The following SYT1 variants were observed in gnomAD, a reference collection of about 807,000 sequenced individuals.
SYT1 encodes synaptotagmin-1.
SYT1 carries 8 observed loss-of-function variants against 44.8 expected under a neutral mutation model. The observed-to-expected ratio is 0.18, with a 90% CI of 0.10 to 0.32. The LOEUF is 0.32. Ranked by LOEUF, SYT1 falls within the 10% of genes least tolerant of loss-of-function variation. The pLI, the probability that SYT1 is intolerant of heterozygous loss-of-function variation, is 1.00. For missense variants in SYT1, 286 were observed against 509.3 expected (o/e 0.56, Z 4.22); for synonymous variants, 154 against 188.8 (o/e 0.82, Z 1.51).
At position 79,210,576 on chromosome 12, in the gene SYT1, A is replaced by G. The variant is rs547011977; in HGVS notation, c.-17-6927A>G. On this transcript the variant is annotated intron_variant, in intron 3 of 10. Transcript: ENST00000261205. Reference sequence around the variant, plus strand: ...ATCCAGGTTGCTGCAAGTGCCGTTTATTCATTCCTTTTCATGGCTGAGTAG... The same window carrying G: ...ATCCAGGTTGCTGCAAGTGCCGTTTGTTCATTCCTTTTCATGGCTGAGTAG... 2.2e-4 allele frequency among the ~76,000 whole-genome samples: 33 copies of G among 152,334 alleles called. No homozygotes were observed. The East Asian group carries it at 6.0e-3, about 28-fold the overall frequency.
Position 79,041,104 on chromosome 12 carries a change from C to A in SYT1, c.-83-6193C>A, listed in dbSNP as rs886376183. Among the ~76,000 whole-genome samples the A allele has an allele frequency of 9.6e-4, 146 of 152,094 alleles. 1 individual carries two copies. The highest frequency in any genetic ancestry group is 3.0e-3 in the African/African-American group (123 of 41,486). On this transcript the variant is annotated intron_variant, in intron 2 of 10. Coordinates refer to ENST00000261205, the MANE Select transcript of SYT1 (RefSeq NM_005639.3). The stretch of plus-strand genomic sequence containing the variant: ...TTGGCTTAAGATTGACTTGGCAATG[C>A]GGGCTCTTTTTTGGTTCCATATGAA...
At chr12:79,136,726 A>G (rs969060191) in intron 3 of SYT1, among the ~76,000 whole-genome samples, 19 of 152,178 alleles carry the variant, frequency 1.2e-4, no homozygotes, top group African/African-American at 4.3e-4. Context: ...TAAACTGAAA[A>G]ACAATATGTT....
At chr12:79,045,452 T>A (rs1873964033) in intron 2 of SYT1, 1 of 154,762 alleles carries the variant, frequency 6.5e-6, no homozygotes, top group African/African-American at 2.4e-5. Context: ...GCTTCCCAAG[T>A]GAGGCAATGC....
intron 4 of SYT1, among the ~76,000 whole-genome samples, chr12:79,285,228 C>T (rs986591007): frequency 6.6e-6 from 1 of 152,180 alleles, no homozygotes; most frequent in Non-Finnish European, 1.5e-5. Flanking sequence ...ATATCTGCCC[C>T]ATACCATGCC....
At chr12:79,407,396 C>G (rs1885280838) in intron 9 of SYT1, among the ~76,000 whole-genome samples, 1 of 152,046 alleles carries the variant, frequency 6.6e-6, no homozygotes, top group Non-Finnish European at 1.5e-5. Context: ...AAGACCATGA[C>G]AGTACCACCA....
chr12:79,150,699 T>C (rs1420466852), intron 3 of SYT1, among the ~76,000 whole-genome samples: 1 of 152,184 alleles, frequency 6.6e-6, no homozygotes, highest in Non-Finnish European at 1.5e-5. Flanking sequence ...CAGAGCAAGT[T>C]AAATCAACTG....
intron 3 of SYT1, among the ~76,000 whole-genome samples, chr12:79,055,123 G>T (rs1273783408): frequency 6.6e-6 from 1 of 151,962 alleles, no homozygotes; most frequent in East Asian, 1.9e-4. Flanking sequence ...TTTCTCCATT[G>T]AGTAATTGTG....
intron 3 of SYT1, among the ~76,000 whole-genome samples, chr12:79,148,167 G>A (rs570013094): frequency 5.3e-5 from 8 of 152,136 alleles, no homozygotes; most frequent in Non-Finnish European, 1.2e-4. Flanking sequence ...GAAAACATTA[G>A]GAGAAAAGAA....
intron 1 of SYT1, among the ~76,000 whole-genome samples, chr12:78,967,998 C>T (rs1418601511): frequency 2.6e-5 from 4 of 152,006 alleles, no homozygotes; most frequent in Non-Finnish European, 5.9e-5. Flanking sequence ...ATTTGACAAC[C>T]AGGACTTTTG....
At chr12:78,970,322 T>C (rs17046158) in intron 1 of SYT1, among the ~76,000 whole-genome samples, 1 of 152,112 alleles carries the variant, frequency 6.6e-6, no homozygotes, top group Non-Finnish European at 1.5e-5. Context: ...AAGTGAGAAA[T>C]AAAGAAAGCA....
intron 3 of SYT1, among the ~76,000 whole-genome samples, chr12:79,105,329 A>G (rs1476588536): frequency 6.6e-6 from 1 of 152,232 alleles, no homozygotes; most frequent in East Asian, 1.9e-4. Flanking sequence ...CAGCACTAAC[A>G]AAGTAACCAT....
At chr12:79,387,253 G>C (rs926720378) in intron 9 of SYT1, among the ~76,000 whole-genome samples, 1 of 152,128 alleles carries the variant, frequency 6.6e-6, no homozygotes, top group Non-Finnish European at 1.5e-5. Flanking sequence ...CAGTTGAAGA[G>C]ACAGTAACCC....
chr12:79,318,538 C>T (rs1180263694), intron 8 of SYT1, among the ~76,000 whole-genome samples: 2 of 152,160 alleles, frequency 1.3e-5, no homozygotes, highest in Admixed American at 1.3e-4. Context: ...GCGAAAGGCC[C>T]CACGTACAAT....
At chr12:79,101,282 A>G (rs1878430794) in intron 3 of SYT1, among the ~76,000 whole-genome samples, 1 of 152,222 alleles carries the variant, frequency 6.6e-6, no homozygotes, top group Non-Finnish European at 1.5e-5. Context: ...ACAATGGAAT[A>G]TTTTTCAGAC....
chr12:78,997,653 C>T (rs4278572), intron 2 of SYT1, among the ~76,000 whole-genome samples: 68,308 of 150,876 alleles, frequency 0.45, 16,020 homozygotes, highest in East Asian at 0.68. Context: ...TTCTTTCCTT[C>T]TTTCTCTTTC....
At chr12:78,878,538 A>C (rs1157611840) in intron 1 of SYT1, among the ~76,000 whole-genome samples, 1 of 151,758 alleles carries the variant, frequency 6.6e-6, no homozygotes, top group Non-Finnish European at 1.5e-5. Flanking sequence ...TTTGAAGAGT[A>C]TGTCTTTCAT....
chr12:79,368,955 A>C (rs1022869642), intron 9 of SYT1, among the ~76,000 whole-genome samples: 6 of 152,138 alleles, frequency 3.9e-5, no homozygotes, highest in East Asian at 1.9e-4. Flanking sequence ...TTGGTGTTTT[A>C]GACATGAAGT....
chr12:78,962,230 T>C (rs928620652), intron 1 of SYT1, among the ~76,000 whole-genome samples: 9 of 152,252 alleles, frequency 5.9e-5, no homozygotes, highest in African/African-American at 2.2e-4. Flanking sequence ...AACATACATA[T>C]GAACTATCTA....
intron 1 of SYT1, among the ~76,000 whole-genome samples, chr12:78,876,384 A>G (rs753151493): frequency 7.9e-5 from 12 of 150,982 alleles, no homozygotes; most frequent in Admixed American, 1.3e-4. Flanking sequence ...CCTCAATCAT[A>G]AATGTTCCTC....
Sources: gnomAD v4.1 joint callset for allele counts (sites outside exome capture counted in the v4.1 genomes callset) on GRCh38, gnomAD v4.1.1 for gene constraint, MANE v1.5 for transcripts, NCBI Gene and HGNC (gene_info 2026-07-23, HGNC 2026-07-21) for gene names.